SHISA6: variants seen among roughly 807,000 people sequenced by gnomAD.
The protein encoded by SHISA6 is shisa family member 6, also known as protein shisa-6.
Under a neutral mutation model 47.9 loss-of-function variants are expected in SHISA6, and 22 were observed. The observed-to-expected ratio is 0.46, with a 90% confidence interval of 0.33 to 0.66. The LOEUF (loss-of-function observed/expected upper bound fraction) is 0.66. SHISA6 is among the 30% of genes least tolerant of loss of function. The pLI is 0.02. For synonymous variants in SHISA6, 388 were observed against 337.8 expected (o/e 1.15, Z -1.63); for missense variants, 680 against 764.6 (o/e 0.89, Z 1.30).
chr17:11,451,698 A>G (rs1433416452), intron 3 of SHISA6, among the ~76,000 whole-genome samples: 1 of 152,166 alleles, frequency 6.6e-6, no homozygotes, highest in Non-Finnish European at 1.5e-5. Flanking sequence ...GTGTTGGCTC[A>G]GGAGCTGAGC....
intron 3 of SHISA6, chr17:11,379,787 G>A: frequency 3.0e-6 from 1 of 335,446 alleles, no homozygotes; most frequent in Non-Finnish European, 5.5e-6. Context: ...AGGGACCACA[G>A]GGAGTGTGGT....
rs539032612 is a variant in SHISA6, at chr17:11,299,833, G to T, written c.799+36307G>T. On this transcript the variant is annotated intron_variant, in intron 2 of 5. Coordinates refer to ENST00000441885, the MANE Select transcript of SHISA6 (RefSeq NM_207386.4). ...ACCTTAACTTGATCCCACTTGCAAG[G>T]TTCCTTTTGCCATGAAAAGCAACAC... Among the ~76,000 whole-genome samples, 9 of 152,210 alleles carry T rather than the reference G, an allele frequency of 5.9e-5. No individual in the cohort carries two copies. The South Asian group carries it at 1.9e-3, about 32-fold the overall frequency.
chr17:11,525,820 T>C (rs1025325187), intron 3 of SHISA6, among the ~76,000 whole-genome samples: 6 of 151,612 alleles, frequency 4.0e-5, no homozygotes, highest in African/African-American at 1.5e-4. Flanking sequence ...CTGGGCAACA[T>C]GGCAAAAACC....
At chr17:11,287,916 A>G (rs1238966850) in intron 2 of SHISA6, among the ~76,000 whole-genome samples, 2 of 152,198 alleles carry the variant, frequency 1.3e-5, no homozygotes, top group East Asian at 1.9e-4. Context: ...AATTTCAAAC[A>G]TATATAAAAG....
chr17:11,547,698 CA>C (rs1419708395), intron 3 of SHISA6, among the ~76,000 whole-genome samples: 8 of 151,878 alleles, frequency 5.3e-5, no homozygotes, highest in Non-Finnish European at 1.2e-4. Flanking sequence ...TTAGCAAATT[CA>C]AAAGTGTAAA....
intron 2 of SHISA6, among the ~76,000 whole-genome samples, chr17:11,287,732 GCT>G (rs1370387097): frequency 3.9e-5 from 3 of 76,836 alleles, no homozygotes; most frequent in East Asian, 6.8e-4. Flanking sequence ...GGAGGAAGGG[GCT>G]GGGAAGGGAA....
intron 2 of SHISA6, among the ~76,000 whole-genome samples, chr17:11,310,199 A>G (rs1910269100): frequency 6.6e-6 from 1 of 152,176 alleles, no homozygotes; most frequent in African/African-American, 2.4e-5. Flanking sequence ...AGGTAAACAA[A>G]TATTCAAATT....
chr17:11,278,586 G>T (rs573340702), intron 2 of SHISA6, among the ~76,000 whole-genome samples: 2 of 152,338 alleles, frequency 1.3e-5, no homozygotes, highest in East Asian at 3.9e-4. Context: ...TGATATGGAC[G>T]TTGCCTCAGC....
rs775356615 is a variant in SHISA6 at position 11,241,631 on chromosome 17, C to T, written c.209C>T (p.Ala70Val). Residue 70 changes from alanine to valine, a missense_variant, in exon 1 of 6, where the codon GCG becomes GTG. Physicochemically the swap from Ala to Val is moderately conservative, Grantham distance 64. Transcript: ENST00000441885. This position sits in a 1 kb window ranked among gnomAD's most constrained non-coding sequence, Gnocchi z 5.5. ...GTARAPGIPE[A>V]GSRRGQPAAA... The stretch of plus-strand genomic sequence containing the variant: ...GCCCGGGCGCCCGGAATCCCGGAGG[C>T]GGGAAGCCGGCGGGGGCAGCCCGCG... 32 of 1,346,164 alleles carry T rather than the reference C, an allele frequency of 2.4e-5. No homozygotes were observed. The highest frequency in any genetic ancestry group is 4.2e-4 in the Middle Eastern group (2 of 4,734). The allele number at this position is 1,346,164 out of a possible 1,614,324, so 83.4% of individuals were successfully genotyped here. A position where few individuals can be genotyped will look rare whatever the true frequency, so the allele number is the denominator to read the frequency against.
At chr17:11,335,424 T>C (rs1911284892) in intron 2 of SHISA6, among the ~76,000 whole-genome samples, 3 of 152,160 alleles carry the variant, frequency 2.0e-5, no homozygotes, top group African/African-American at 7.2e-5. Context: ...GCCGTGCTGC[T>C]ATAGGTGATC....
intron 2 of SHISA6, among the ~76,000 whole-genome samples, chr17:11,298,066 T>C (rs1327980546): frequency 6.6e-6 from 1 of 152,232 alleles, no homozygotes; most frequent in Non-Finnish European, 1.5e-5. Context: ...GTTATGCCAA[T>C]CTCTGCTCTA....
At chr17:11,501,882 G>A (rs1243542831) in intron 3 of SHISA6, among the ~76,000 whole-genome samples, 1 of 152,188 alleles carries the variant, frequency 6.6e-6, no homozygotes, top group African/African-American at 2.4e-5. Flanking sequence ...GAAAAGGGCA[G>A]GAGAGATGGA....
chr17:11,469,013 C>T (rs190663337), intron 3 of SHISA6, among the ~76,000 whole-genome samples: 25 of 98,102 alleles, frequency 2.5e-4, no homozygotes, highest in African/African-American at 9.1e-4. Flanking sequence ...AAAGAGACTC[C>T]GTCTCAAAAA....
intron 3 of SHISA6, among the ~76,000 whole-genome samples, chr17:11,404,586 C>T (rs1300873755): frequency 5.3e-5 from 8 of 152,260 alleles, no homozygotes; most frequent in African/African-American, 1.7e-4. Flanking sequence ...GACTGCAGGC[C>T]AGGTGGTGAA....
chr17:11,408,107 G>T (rs537215546), intron 3 of SHISA6, among the ~76,000 whole-genome samples: 4 of 152,098 alleles, frequency 2.6e-5, no homozygotes, highest in Non-Finnish European at 5.9e-5. Context: ...CTTTAATGAA[G>T]TTCTCTACAT....
At chr17:11,385,821 T>C (rs1422216982) in intron 3 of SHISA6, among the ~76,000 whole-genome samples, 1 of 152,000 alleles carries the variant, frequency 6.6e-6, no homozygotes, top group Non-Finnish European at 1.5e-5. Context: ...CAGGGTGGTG[T>C]GCTGTCTTGG....
At chr17:11,309,095 G>C (rs1298860542) in intron 2 of SHISA6, among the ~76,000 whole-genome samples, 1 of 152,122 alleles carries the variant, frequency 6.6e-6, no homozygotes, top group Non-Finnish European at 1.5e-5. Flanking sequence ...CTCCCGAGTA[G>C]CTGGGACTAC....
chr17:11,495,086 A>C (rs1324033780), intron 3 of SHISA6, among the ~76,000 whole-genome samples: 1 of 152,172 alleles, frequency 6.6e-6, no homozygotes, highest in Admixed American at 6.5e-5. Context: ...GCAAGGTGGA[A>C]TAAGCTGATC....
chr17:11,477,057 C>T (rs961834066), intron 3 of SHISA6, among the ~76,000 whole-genome samples: 1 of 152,168 alleles, frequency 6.6e-6, no homozygotes, highest in African/African-American at 2.4e-5. Flanking sequence ...GAAGTCTGCT[C>T]TGCATAAAAT....
Sources: allele counts gnomAD v4.1 joint callset (sites outside exome capture counted in the v4.1 genomes callset), GRCh38; gene constraint gnomAD v4.1.1; non-coding constraint Gnocchi (gnomAD v3.1); transcripts MANE v1.5; gene names NCBI Gene and HGNC (gene_info 2026-07-23, HGNC 2026-07-21).